The following PCDHA6 variants were observed in gnomAD, a reference collection of about 807,000 sequenced individuals.
The protein encoded by PCDHA6 is protocadherin alpha 6, also known as protocadherin alpha-6.
In PCDHA6, 55 loss-of-function variants were observed where a neutral mutation model predicts 60.3. The ratio of observed to expected loss-of-function variants is 0.91; its 90% CI spans 0.73 to 1.14. The LOEUF (loss-of-function observed/expected upper bound fraction) is 1.14, where lower values mean the gene tolerates loss of function less well. Among genes scored for constraint, PCDHA6 ranks in the 50% most tolerant of loss-of-function variants. The pLI is 0.00. For missense variants in PCDHA6, 1,327 were observed against 1,256.5 expected, an observed-to-expected ratio of 1.06 and a Z score of -0.85; for synonymous variants, 652 against 557.9, an observed-to-expected ratio of 1.17 and a Z score of -2.38.
intron 1 of PCDHA6, chr5:140,884,825 T>C (rs543714024): frequency 1.0e-6 from 1 of 967,424 alleles, no homozygotes; most frequent in Non-Finnish European, 1.5e-6. Flanking sequence ...CATTATGTGT[T>C]GGATTATCCT....
At chr5:140,959,281 G>T (rs1395135880) in intron 1 of PCDHA6, among the ~76,000 whole-genome samples, 2 of 152,044 alleles carry the variant, frequency 1.3e-5, no homozygotes, top group Admixed American at 1.3e-4. Context: ...GGAGCCTGAG[G>T]TGGGAGCATC....
intron 1 of PCDHA6, chr5:140,861,372 A>G (rs2046882996): frequency 8.6e-5 from 35 of 407,054 alleles, no homozygotes; most frequent in South Asian, 7.5e-4. Context: ...CGCGGTCCCT[A>G]TTGCGCAGGA....
At chr5:140,875,654 C>G in intron 1 of PCDHA6, 2 of 1,613,702 alleles carry the variant, frequency 1.2e-6, no homozygotes, top group Non-Finnish European at 8.5e-7. Flanking sequence ...GAGCTGGTGC[C>G]GCGCCTGTTC....
chr5:140,833,822 T>C (rs1020023759), intron 1 of PCDHA6, among the ~76,000 whole-genome samples: 1 of 152,148 alleles, frequency 6.6e-6, no homozygotes, highest in Non-Finnish European at 1.5e-5. Context: ...CCTGGGTCCC[T>C]AAAAGAGTAC....
chr5:140,829,904 G>A lies in PCDHA6; in HGVS notation c.1813G>A (p.Ala605Thr). ...RAVDADSGYN[A>T]WLSYELQPPA... is the part of the protein sequence containing the mutation. The stretch of plus-strand genomic sequence containing the variant: ...AGTTGACGCCGACTCAGGCTACAAC[G>A]CGTGGCTTTCGTATGAGCTGCAGCC... Residue 605 changes from alanine to threonine, a missense_variant, in exon 1 of 4, where the codon GCG becomes ACG. Transcript: ENST00000529310. 1 of 1,613,978 alleles carries A rather than the reference G, an allele frequency of 6.2e-7. No homozygotes were observed. Among genetic ancestry groups the A allele is most frequent in the Admixed American group, 1.7e-5 (1 of 60,018 alleles).
chr5:140,990,649 T>A (rs1465284882), intron 3 of PCDHA6, among the ~76,000 whole-genome samples: 1 of 152,330 alleles, frequency 6.6e-6, no homozygotes, highest in South Asian at 2.1e-4. Context: ...TCAGCCAGTA[T>A]GAATGATTTA....
chr5:140,870,469 C>T, intron 1 of PCDHA6: 1 of 1,614,246 alleles, frequency 6.2e-7, no homozygotes. Context: ...TGCGTTCGCA[C>T]AGCCCGAGTA....
At chr5:140,842,787 T>G (rs1554139371) in intron 1 of PCDHA6, 1 of 1,594,358 alleles carries the variant, frequency 6.3e-7, no homozygotes, top group African/African-American at 1.3e-5. Flanking sequence ...GAGAACGCGC[T>G]GGTGTCCTAC....
At chr5:140,875,600 C>A (rs2055640130) in intron 1 of PCDHA6, 5 of 1,613,766 alleles carry the variant, frequency 3.1e-6, no homozygotes, top group African/African-American at 1.3e-5. Flanking sequence ...AAACACGGCA[C>A]CTTCGTGGGC....
chr5:140,856,719 C>A, intron 1 of PCDHA6: 1 of 1,596,152 alleles, frequency 6.3e-7, no homozygotes, highest in Non-Finnish European at 8.6e-7. Flanking sequence ...TTTACCGGAT[C>A]TGTTTCTCTG....
At chr5:140,980,279 AAAAGTACC>A (rs1554241598) in intron 2 of PCDHA6, among the ~76,000 whole-genome samples, 2 of 152,236 alleles carry the variant, frequency 1.3e-5, no homozygotes, top group African/African-American at 4.8e-5. Flanking sequence ...CCAACTCTTG[AAAAGTACC>A]AAAGCTATGA....
rs140846988 is a variant in PCDHA6 at position 140,828,361 on chromosome 5, C to A, written c.270C>A (p.Ile90=). The A allele has an allele frequency of 2.3e-4, 364 of 1,614,242 alleles. 1 individual carries two copies. In the African/African-American group the frequency reaches 3.9e-3, roughly 17 times the overall value. ...GCATTTTGTTTGTGAATTCTCGGATCGACCGCGAGGAGCTGTGCGGGCGGA... is the reference window on the plus strand; with the variant it reads ...GCATTTTGTTTGTGAATTCTCGGATAGACCGCGAGGAGCTGTGCGGGCGGA... ...QNGILFVNSR[I]DREELCGRSA... The change falls in exon 1 of 4, where the codon ATC becomes ATA. Residue 90 remains isoleucine (I), a synonymous_variant. Transcript: ENST00000529310.
chr5:141,010,226 C>T lies in PCDHA6; in HGVS notation c.*289C>T, dbSNP rs1386050566. ...CGCCGCAAAGGAGAGGCTTCCCAGC[C>T]CCGCCAGTGAGAGGTTGGACTCTCT... On this transcript the variant is annotated 3_prime_UTR_variant, in exon 4 of 4. Transcript: ENST00000529310. 6.4e-7 allele frequency: 1 copy of T among 1,551,824 alleles called. No homozygotes were observed. Among genetic ancestry groups the T allele is most frequent in the Admixed American group, 2.0e-5 (1 of 51,014 alleles).
chr5:140,853,535 C>G (rs916895928), intron 1 of PCDHA6: 2 of 979,230 alleles, frequency 2.0e-6, no homozygotes, highest in South Asian at 9.5e-5. Context: ...TGTCTCTTTT[C>G]AAGTTGTAAT....
At chr5:140,861,386 G>A in intron 1 of PCDHA6, 1 of 440,552 alleles carries the variant, frequency 2.3e-6, no homozygotes, top group Non-Finnish European at 4.6e-6. Context: ...CGCAGGACCT[G>A]GGTCTGGAGC....
intron 1 of PCDHA6, among the ~76,000 whole-genome samples, chr5:140,886,842 A>AAG (rs2061180057): frequency 6.6e-6 from 1 of 151,638 alleles, no homozygotes; most frequent in African/African-American, 2.4e-5. Context: ...AAAAAAAAAA[A>AAG]AAAAAGAAAG....
chr5:140,935,172 A>G (rs1278781509), intron 1 of PCDHA6, among the ~76,000 whole-genome samples: 34 of 152,164 alleles, frequency 2.2e-4, no homozygotes, highest in Admixed American at 2.1e-3. Context: ...AGGTGTGCTT[A>G]TTGCTGCTGG....
chr5:140,891,056 T>C (rs2062933451), intron 1 of PCDHA6, among the ~76,000 whole-genome samples: 1 of 152,196 alleles, frequency 6.6e-6, no homozygotes, highest in Non-Finnish European at 1.5e-5. Context: ...CAGCACATAG[T>C]AAATATTATT....
intron 1 of PCDHA6, chr5:140,928,085 T>G: frequency 1.9e-6 from 3 of 1,614,236 alleles, no homozygotes; most frequent in Non-Finnish European, 8.5e-7. Flanking sequence ...TACAGCCTGC[T>G]GATTGATGGG....
Sources: gnomAD v4.1 joint callset for allele counts (sites outside exome capture counted in the v4.1 genomes callset) on GRCh38, gnomAD v4.1.1 for gene constraint, MANE v1.5 for transcripts, NCBI Gene and HGNC (gene_info 2026-07-23, HGNC 2026-07-21) for gene names.